RNGTT: variants seen among roughly 807,000 people sequenced by gnomAD.
RNGTT encodes RNA guanylyltransferase and 5'-phosphatase.
RNGTT carries 33 observed loss-of-function variants against 79.3 expected under a neutral mutation model. The observed-to-expected ratio is 0.42, with a 90% confidence interval of 0.32 to 0.56. The LOEUF (loss-of-function observed/expected upper bound fraction) is 0.56, where lower values mean the gene tolerates loss of function less well. Among genes scored for constraint, RNGTT ranks in the 20% least tolerant of loss-of-function variants. RNGTT has a pLI of 0.17. For missense variants in RNGTT, 497 were observed against 739.1 expected, an observed-to-expected ratio of 0.67 and a Z score of 3.80; for synonymous variants, 222 against 235.9, an observed-to-expected ratio of 0.94 and a Z score of 0.54.
intron 6 of RNGTT, among the ~76,000 whole-genome samples, chr6:88,898,515 A>T (rs1026186877): frequency 1.3e-5 from 2 of 151,738 alleles, no homozygotes; most frequent in Non-Finnish European, 2.9e-5. Flanking sequence ...TATTTTATGG[A>T]TTGATAGCCT....
At chr6:88,894,963 G>A (rs1201765324) in intron 6 of RNGTT, among the ~76,000 whole-genome samples, 7 of 151,732 alleles carry the variant, frequency 4.6e-5, no homozygotes, top group East Asian at 3.8e-4. Flanking sequence ...CAATGTCTTC[G>A]GTCTGGAATT....
At chr6:88,680,989 T>C (rs1775072440) in intron 13 of RNGTT, among the ~76,000 whole-genome samples, 1 of 152,162 alleles carries the variant, frequency 6.6e-6, no homozygotes, top group Admixed American at 6.5e-5. Context: ...GGCCCATCAT[T>C]TGACAAATAA....
intron 13 of RNGTT, among the ~76,000 whole-genome samples, chr6:88,724,054 CAA>C (rs992503419): frequency 1.3e-5 from 2 of 151,864 alleles, no homozygotes; most frequent in African/African-American, 4.8e-5. Context: ...ACTCTTTTTA[CAA>C]AAGAGTCAAA....
At chr6:88,772,398 C>T (rs959249024) in intron 12 of RNGTT, among the ~76,000 whole-genome samples, 4 of 152,092 alleles carry the variant, frequency 2.6e-5, no homozygotes, top group Non-Finnish European at 4.4e-5. Context: ...ATTCCAACAG[C>T]GTTTTCCACA....
intron 6 of RNGTT, among the ~76,000 whole-genome samples, chr6:88,899,887 C>T (rs1413430004): frequency 6.6e-6 from 1 of 151,976 alleles, no homozygotes; most frequent in Non-Finnish European, 1.5e-5. Context: ...AATTTAATTC[C>T]CCACACTTTC....
chr6:88,651,450 T>A (rs1407586790), intron 14 of RNGTT, among the ~76,000 whole-genome samples: 3 of 152,182 alleles, frequency 2.0e-5, no homozygotes, highest in Admixed American at 6.5e-5. Flanking sequence ...GAATAGTGCC[T>A]GCTGGGCATA....
At chr6:88,633,265 GA>G (rs200787981) in intron 14 of RNGTT, among the ~76,000 whole-genome samples, 162 of 146,802 alleles carry the variant, frequency 1.1e-3, no homozygotes, top group African/African-American at 3.7e-3. Flanking sequence ...AGTATGTGTA[GA>G]AAAAAAAAAG....
intron 8 of RNGTT, among the ~76,000 whole-genome samples, chr6:88,871,893 A>G (rs1204654096): frequency 1.3e-5 from 2 of 152,176 alleles, no homozygotes; most frequent in African/African-American, 4.8e-5. Flanking sequence ...GAAGATGGAA[A>G]AGACCATTCC....
At chr6:88,907,195 T>TA (rs1379714596) in intron 4 of RNGTT, among the ~76,000 whole-genome samples, 2 of 152,238 alleles carry the variant, frequency 1.3e-5, no homozygotes, top group Non-Finnish European at 2.9e-5. Flanking sequence ...TAACTACTGA[T>TA]ATGGTTTGGC....
At position 88,759,286 on chromosome 6, in the gene RNGTT, T is replaced by G. The variant is rs542313319; in HGVS notation, c.1439+10488A>C. Among the ~76,000 whole-genome samples, 4 of 152,332 alleles carry G rather than the reference T, an allele frequency of 2.6e-5. No individual in the cohort carries two copies. The South Asian group carries it at 6.2e-4, about 24-fold the overall frequency. Reference sequence around the variant, plus strand: ...TTTTTGTTGGGTTGGGGATGTACTTTCTTACTTTCTGGCATAAGAAGGTAT... The same window carrying G: ...TTTTTGTTGGGTTGGGGATGTACTTGCTTACTTTCTGGCATAAGAAGGTAT... On this transcript the variant is annotated intron_variant, in intron 13 of 15. Transcript: ENST00000369485.
At chr6:88,868,674 C>A (rs557436326) in intron 8 of RNGTT, among the ~76,000 whole-genome samples, 1 of 152,292 alleles carries the variant, frequency 6.6e-6, no homozygotes, top group South Asian at 2.1e-4. Flanking sequence ...TGAACCACAT[C>A]TTCAATTTTC....
At chr6:88,725,620 C>T (rs1489897289) in intron 13 of RNGTT, among the ~76,000 whole-genome samples, 1 of 151,610 alleles carries the variant, frequency 6.6e-6, no homozygotes, top group Non-Finnish European at 1.5e-5. Flanking sequence ...CCATGGGGGG[C>T]GGGGTGTTGA....
chr6:88,646,498 TAC>T (rs1773565405), intron 14 of RNGTT, among the ~76,000 whole-genome samples: 4 of 152,216 alleles, frequency 2.6e-5, no homozygotes, highest in Admixed American at 2.6e-4. Context: ...ACTGGGTATA[TAC>T]CCAAAGGAAT....
At chr6:88,909,385 C>T (rs972964751) in intron 4 of RNGTT, among the ~76,000 whole-genome samples, 1 of 152,210 alleles carries the variant, frequency 6.6e-6, no homozygotes, top group African/African-American at 2.4e-5. Context: ...TACGGTGCCA[C>T]TTCCCTGCCT....
chr6:88,697,893 T>G (rs113811123), intron 13 of RNGTT, among the ~76,000 whole-genome samples: 1 of 82,362 alleles, frequency 1.2e-5, no homozygotes, highest in Non-Finnish European at 2.0e-5. Context: ...ATATATGATA[T>G]ATATATATGA....
chr6:88,798,691 G>A (rs550637350), intron 12 of RNGTT, among the ~76,000 whole-genome samples: 16 of 152,310 alleles, frequency 1.1e-4, no homozygotes, highest in African/African-American at 2.9e-4. Flanking sequence ...AGTAGATACC[G>A]AAGAGGCATT....
At chr6:88,708,874 T>G (rs1001318962) in intron 13 of RNGTT, among the ~76,000 whole-genome samples, 1 of 152,274 alleles carries the variant, frequency 6.6e-6, no homozygotes, top group South Asian at 2.1e-4. Flanking sequence ...AGCCTTCCTC[T>G]GAGAGAAAAG....
chr6:88,828,161 G>C (rs771934581), intron 11 of RNGTT, among the ~76,000 whole-genome samples: 8 of 152,102 alleles, frequency 5.3e-5, no homozygotes, highest in Non-Finnish European at 7.3e-5. Context: ...GCATCTGGTG[G>C]GTGCCCATCT....
chr6:88,845,892 T>A (rs1781467073), intron 10 of RNGTT, among the ~76,000 whole-genome samples: 1 of 151,966 alleles, frequency 6.6e-6, no homozygotes, highest in South Asian at 2.1e-4. Flanking sequence ...ATCAACATCA[T>A]CAACAAGGTT....
Sources: gnomAD v4.1 joint callset for allele counts (sites outside exome capture counted in the v4.1 genomes callset) on GRCh38, gnomAD v4.1.1 for gene constraint, MANE v1.5 for transcripts, NCBI Gene and HGNC (gene_info 2026-07-23, HGNC 2026-07-21) for gene names.